Variants in TNRC18 observed in about 807,000 individuals in gnomAD.
The protein encoded by TNRC18 is trinucleotide repeat-containing gene 18 protein.
A neutral mutation model predicts 226.7 loss-of-function variants in TNRC18; 69 were observed. That is an observed-to-expected ratio of 0.30 (90% CI 0.25 to 0.37). The LOEUF (loss-of-function observed/expected upper bound fraction) is 0.37. TNRC18 is among the 10% of genes least tolerant of loss of function. TNRC18 has a pLI of 1.00. For missense variants in TNRC18, 4,754 were observed against 4,256.6 expected, an observed-to-expected ratio of 1.12 and a Z score of -3.25; for synonymous variants, 2,449 against 1,927.6, an observed-to-expected ratio of 1.27 and a Z score of -7.09.
intron 2 of TNRC18, among the ~76,000 whole-genome samples, chr7:5,418,639 C>T (rs1782340243): frequency 1.3e-5 from 2 of 152,300 alleles, no homozygotes; most frequent in Admixed American, 6.5e-5. Flanking sequence ...CTCAGGACTT[C>T]CCGGTACAAA....
chr7:5,312,073 G>A lies in TNRC18; in HGVS notation c.8388+430C>T, dbSNP rs1479611995. 6.6e-6 allele frequency among the ~76,000 whole-genome samples: 1 copy of A among 152,078 alleles called. No homozygotes were observed. The highest frequency in any genetic ancestry group is 2.4e-5 in the African/African-American group (1 of 41,512). On this transcript the variant is annotated intron_variant, in intron 27 of 29. Coordinates refer to ENST00000430969, the MANE Select transcript of TNRC18 (RefSeq NM_001080495.3). The surrounding 1 kb of genome is among the most constrained non-coding windows in gnomAD (Gnocchi z 6.3). ...ATTGCTTGAACCCGGGAGGCAGAGG[G>A]TGCAGTAAGCCAAGATCACACCACC...
chr7:5,349,580 G>A (rs1386795119), intron 17 of TNRC18, among the ~76,000 whole-genome samples: 5 of 152,210 alleles, frequency 3.3e-5, no homozygotes, highest in Non-Finnish European at 5.9e-5. Flanking sequence ...AGGACAGAAA[G>A]AAAAGCGTTT....
In TNRC18 at chr7:5,324,197, G is replaced by A; in HGVS notation, c.6442+17C>T. 6.3e-7 allele frequency: 1 copy of A among 1,586,372 alleles called. No homozygotes were observed. Among genetic ancestry groups the A allele is most frequent in the Non-Finnish European group, 8.5e-7 (1 of 1,169,698 alleles). ...CCAGCAGCCCCGCCCGGCACATGTG[G>A]CATCACGGCCACTCACCCGGGGTCA... On this transcript the variant is annotated intron_variant, in intron 21 of 29. Transcript: ENST00000430969. This position sits in a 1 kb window ranked among gnomAD's most constrained non-coding sequence, Gnocchi z 4.8.
At chr7:5,364,240 G>C (rs1562554371) in intron 11 of TNRC18, among the ~76,000 whole-genome samples, 1 of 152,092 alleles carries the variant, frequency 6.6e-6, no homozygotes, top group African/African-American at 2.4e-5. Flanking sequence ...AGAAGTTGCA[G>C]TGAGCTGAGA....
chr7:5,312,353 G>C lies in TNRC18; in HGVS notation c.8388+150C>G, dbSNP rs1787314969. On this transcript the variant is annotated intron_variant, in intron 27 of 29. Transcript: ENST00000430969. This position sits in a 1 kb window ranked among gnomAD's most constrained non-coding sequence, Gnocchi z 6.3. ...GTGCCTGAGGACACTCTGAGACTCA[G>C]TGTACCCATCCATAAAGTGGGACGC... The C allele has an allele frequency of 1.7e-6, 2 of 1,164,142 alleles. No individual in the cohort carries two copies. The highest frequency in any genetic ancestry group is 3.2e-5 in the South Asian group (2 of 62,014). 72.1% of individuals were successfully genotyped at this position (1,164,142 alleles called of 1,614,324 possible). A position where few individuals can be genotyped will look rare whatever the true frequency, so the allele number is the denominator to read the frequency against.
In TNRC18 at chr7:5,324,107, G is replaced by A. The variant is rs1200382507; in HGVS notation, c.6442+107C>T. ...AGGATCTCTGCTCCTGTGGTTCCCT[G>A]CCCCCAGCTAGCCCAGCCCTTCAGT... On this transcript the variant is annotated intron_variant, in intron 21 of 29. Coordinates refer to ENST00000430969, the MANE Select transcript of TNRC18 (RefSeq NM_001080495.3). This position sits in a 1 kb window ranked among gnomAD's most constrained non-coding sequence, Gnocchi z 4.8. 1 of 1,280,456 alleles carries A rather than the reference G, an allele frequency of 7.8e-7. No homozygotes were observed. The highest frequency in any genetic ancestry group is 1.1e-6 in the Non-Finnish European group (1 of 945,144). 79.3% of individuals were successfully genotyped at this position (1,280,456 alleles called of 1,614,324 possible).
rs183269245 is a variant in TNRC18, at chr7:5,369,867, A to T, written c.4219+508T>A. 9.6e-4 allele frequency among the ~76,000 whole-genome samples: 146 copies of T among 152,338 alleles called. 1 individual carries two copies. In the South Asian group the frequency reaches 0.014, roughly 14 times the overall value. The stretch of plus-strand genomic sequence containing the variant: ...ACCTACAGACTGGCTGCACAGTGCA[A>T]ACACACTTAACATGCCACTCACTCA... On this transcript the variant is annotated intron_variant, in intron 11 of 29. Coordinates refer to ENST00000430969, the MANE Select transcript of TNRC18 (RefSeq NM_001080495.3).
intron 5 of TNRC18, among the ~76,000 whole-genome samples, chr7:5,379,619 C>G (rs1172903463): frequency 6.6e-6 from 1 of 152,160 alleles, no homozygotes; most frequent in Non-Finnish European, 1.5e-5. Context: ...GTCTGGCCCT[C>G]CTGGTACCTC....
intron 5 of TNRC18, among the ~76,000 whole-genome samples, chr7:5,385,802 T>C (rs924559222): frequency 6.7e-6 from 1 of 148,420 alleles, no homozygotes; most frequent in Non-Finnish European, 1.5e-5. Context: ...AGTGAAACCT[T>C]GTCTCTACTA....
At chr7:5,371,442 CCAGA>C (rs1200960380) in intron 10 of TNRC18, 78 bp from the exon 11 acceptor site, 1 of 1,424,758 alleles carries the variant, frequency 7.0e-7, no homozygotes, top group Non-Finnish European at 9.2e-7. Flanking sequence ...GCCCACCACC[CCAGA>C]CAGAGACCCA....
At chr7:5,387,614 G>C (rs1472057730) in intron 5 of TNRC18, 58 bp downstream of exon 5, 1 of 1,590,558 alleles carries the variant, frequency 6.3e-7, no homozygotes, top group Non-Finnish European at 8.5e-7. Context: ...TGTAATGTAC[G>C]GGAAACGGCA....
At chr7:5,361,477 G>T in intron 14 of TNRC18, 117 bp downstream of exon 14, 2 of 1,289,872 alleles carry the variant, frequency 1.6e-6, no homozygotes, top group South Asian at 1.6e-5. Flanking sequence ...CTGCGGGTAG[G>T]TCAGAGCCCG....
At chr7:5,348,618 T>C (rs1583862915) in intron 17 of TNRC18, among the ~76,000 whole-genome samples, 1 of 131,730 alleles carries the variant, frequency 7.6e-6, no homozygotes, top group Non-Finnish European at 1.6e-5. Context: ...GCGGTGAAGG[T>C]GATGAGTCTG....
chr7:5,307,374 A>G lies in TNRC18; in HGVS notation c.*732T>C. ...GTACAATAAAACTGTACAGGTTAAG[A>G]AGTGCCACCTCCCTCCTGGGTGGGG... On this transcript the variant is annotated 3_prime_UTR_variant, in exon 30 of 30. Transcript: ENST00000430969. 1 of 278,536 alleles carries G rather than the reference A, an allele frequency of 3.6e-6. No individual in the cohort carries two copies. The highest frequency in any genetic ancestry group is 7.3e-6 in the Non-Finnish European group (1 of 137,862). The allele number at this position is 278,536 out of a possible 1,614,324, so 17.3% of individuals were successfully genotyped here. A position where few individuals can be genotyped will look rare whatever the true frequency, so the allele number is the denominator to read the frequency against.
rs541303093 is a variant in TNRC18, at chr7:5,408,098, G to A, written c.187+12962C>T. Among the ~76,000 whole-genome samples the A allele has an allele frequency of 2.6e-5, 4 of 152,230 alleles. No homozygotes were observed. In the South Asian group the frequency reaches 6.2e-4, roughly 24 times the overall value. On this transcript the variant is annotated intron_variant, in intron 2 of 29. Coordinates refer to ENST00000430969, the MANE Select transcript of TNRC18 (RefSeq NM_001080495.3). ...GGGTGGATCACGAGGTTAGGAGATCGAGACCATCCTGGCCAACATGGTGAA... is the reference window on the plus strand; with the variant it reads ...GGGTGGATCACGAGGTTAGGAGATCAAGACCATCCTGGCCAACATGGTGAA...
chr7:5,362,746 C>T lies in TNRC18; in HGVS notation c.4299G>A (p.Leu1433=), dbSNP rs755415185. Residue 1433 remains leucine (L), a synonymous_variant, in exon 12 of 30, where the codon CTG becomes CTA. Coordinates refer to ENST00000430969, the MANE Select transcript of TNRC18 (RefSeq NM_001080495.3). The part of the protein sequence containing the change: ...AAGSHMLREV[L]DGPVVDPLKN... Reference sequence around the variant, plus strand: ...TGAGTGGGTCCACCACGGGCCCATCCAGCACCTCCCTCAGCATGTGGCTGC... The same window carrying T: ...TGAGTGGGTCCACCACGGGCCCATCTAGCACCTCCCTCAGCATGTGGCTGC... The T allele has an allele frequency of 1.3e-5, 20 of 1,572,790 alleles. No individual in the cohort carries two copies. Among genetic ancestry groups the T allele is most frequent in the Non-Finnish European group, 1.6e-5 (19 of 1,159,740 alleles).
Position 5,312,770 on chromosome 7 carries a change from G to A in TNRC18, c.8121C>T (p.Ala2707=), listed in dbSNP as rs773037444. 1.3e-5 allele frequency: 20 copies of A among 1,532,856 alleles called. No homozygotes were observed. Among genetic ancestry groups the A allele is most frequent in the Admixed American group, 8.5e-5 (4 of 47,224 alleles). The allele number at this position is 1,532,856 out of a possible 1,614,324, so 95.0% of individuals were successfully genotyped here. A position where few individuals can be genotyped will look rare whatever the true frequency, so the allele number is the denominator to read the frequency against. ...AALPTKATKQ[A]GKARPSAHSP... is the part of the protein sequence containing the mutation. Reference sequence around the variant, plus strand: ...AGTGGGCCGAGGGCCGCGCCTTGCCGGCCTGCTTGGTGGCCTTGGTGGGGA... The same window carrying A: ...AGTGGGCCGAGGGCCGCGCCTTGCCAGCCTGCTTGGTGGCCTTGGTGGGGA... The change falls in exon 27 of 30, where the codon GCC becomes GCT. Residue 2707 remains alanine, a synonymous_variant. Coordinates refer to ENST00000430969, the MANE Select transcript of TNRC18 (RefSeq NM_001080495.3). This position sits in a 1 kb window ranked among gnomAD's most constrained non-coding sequence, Gnocchi z 6.3.
At chr7:5,353,969 G>A (rs1191092128) in intron 16 of TNRC18, among the ~76,000 whole-genome samples, 1 of 152,060 alleles carries the variant, frequency 6.6e-6, no homozygotes, top group East Asian at 1.9e-4. Context: ...TTGGGAGGCC[G>A]AGGCAGGCGG....
chr7:5,379,397 A>T (rs1453979193), intron 5 of TNRC18, among the ~76,000 whole-genome samples: 2 of 144,618 alleles, frequency 1.4e-5, no homozygotes, highest in African/African-American at 2.5e-5. Flanking sequence ...CCCAGACTCT[A>T]AAGAAAAAAA....
Sources: allele counts gnomAD v4.1 joint callset (sites outside exome capture counted in the v4.1 genomes callset), GRCh38; gene constraint gnomAD v4.1.1; non-coding constraint Gnocchi (gnomAD v3.1); transcripts MANE v1.5; gene names NCBI Gene and HGNC (gene_info 2026-07-23, HGNC 2026-07-21).